The following BUB1 variants were observed in gnomAD, a reference collection of about 807,000 sequenced individuals.
The protein encoded by BUB1 is mitotic checkpoint serine/threonine-protein kinase BUB1.
In BUB1, 84 loss-of-function variants were observed where a neutral mutation model predicts 135.2. The ratio of observed to expected loss-of-function variants is 0.62; its 90% CI spans 0.52 to 0.74. The LOEUF is 0.74. Ranked by LOEUF, BUB1 falls within the 30% of genes least tolerant of loss-of-function variation. The pLI is 0.00. For synonymous variants in BUB1, 403 were observed against 434.4 expected, an observed-to-expected ratio of 0.93 and a Z score of 0.90; for missense variants, 1,162 against 1,288.3, an observed-to-expected ratio of 0.90 and a Z score of 1.50.
chr2:110,670,600 A>G, intron 4 of BUB1, 32 bp from the exon 5 acceptor site: 1 of 1,608,370 alleles, frequency 6.2e-7, no homozygotes, highest in Non-Finnish European at 8.5e-7. Context: ...ATCAATGTAG[A>G]TTATAAACTT....
intron 24 of BUB1, among the ~76,000 whole-genome samples, 169 bp downstream of exon 24, chr2:110,639,573 T>C (rs1247821607): frequency 3.3e-5 from 5 of 151,950 alleles, no homozygotes; most frequent in Admixed American, 6.6e-5. Context: ...GGTAAAGCTA[T>C]GCAGCTTGCT....
In BUB1 at chr2:110,650,761, T is replaced by C. The variant is rs1162043127; in HGVS notation, c.1988A>G (p.Lys663Arg). The C allele has an allele frequency of 6.2e-7, 1 of 1,613,948 alleles. No individual in the cohort carries two copies. Among genetic ancestry groups the C allele is most frequent in the East Asian group, 2.2e-5 (1 of 44,868 alleles). ...KFSPIQEKSP[K>R]QALSSHMYSA... is the part of the protein sequence containing the mutation. The stretch of plus-strand genomic sequence containing the variant: ...ATACATGTGAGACGACAAGGCCTGT[T>C]TTGGGCTTTTCTCTTGAATTGGACT... Residue 663 changes from lysine (K) to arginine (R), a missense_variant, in exon 18 of 25, where the codon AAA becomes AGA. By Grantham distance (26) the Lys-to-Arg change is conservative. Coordinates refer to ENST00000302759, the MANE Select transcript of BUB1 (RefSeq NM_004336.5).
chr2:110,639,613 T>C (rs779070917), intron 24 of BUB1, 129 bp downstream of exon 24: 46 of 730,520 alleles, frequency 6.3e-5, no homozygotes, highest in Middle Eastern at 5.5e-4. Context: ...GACTGTCCTG[T>C]CACCATATTG....
chr2:110,662,544 A>G (rs1690126885), intron 9 of BUB1, among the ~76,000 whole-genome samples: 1 of 152,224 alleles, frequency 6.6e-6, no homozygotes, highest in Admixed American at 6.5e-5. Flanking sequence ...GCCTGTAATC[A>G]ATCCCAGAAC....
At chr2:110,657,265 A>G (rs942734691) in intron 14 of BUB1, 148 bp from the exon 15 acceptor site, 2 of 639,706 alleles carry the variant, frequency 3.1e-6, no homozygotes, top group African/African-American at 3.7e-5. Flanking sequence ...AGTTCTAGCA[A>G]AACTGAGTGT....
In BUB1 at chr2:110,641,182, T is replaced by A. The variant is rs767678176; in HGVS notation, c.2807A>T (p.Asp936Val). 9 of 1,605,426 alleles carry A rather than the reference T, an allele frequency of 5.6e-6. No homozygotes were observed. Among genetic ancestry groups the A allele is most frequent in the Non-Finnish European group, 6.8e-6 (8 of 1,177,082 alleles). ...CAGTGCCAAGCCAGCAGATAAATCA[T>A]CTTCATCATCCTGTTCCAAAAATCT... ...GNGFLEQDDE[D>V]DLSAGLALID... The change falls in exon 23 of 25, where the codon GAT becomes GTT. Residue 936 changes from aspartate (D) to valine (V), a missense_variant. Physicochemically the swap from Asp to Val is radical, Grantham distance 152. Transcript: ENST00000302759.
intron 4 of BUB1, among the ~76,000 whole-genome samples, chr2:110,671,101 C>T (rs182395708): frequency 2.0e-5 from 3 of 152,248 alleles, no homozygotes; most frequent in Admixed American, 6.5e-5. Context: ...CATTTCTGAG[C>T]GATGCGAGCC....
intron 9 of BUB1, among the ~76,000 whole-genome samples, chr2:110,662,336 T>C (rs2104544380): frequency 1.3e-5 from 2 of 152,284 alleles, no homozygotes; most frequent in Middle Eastern, 6.8e-3. Flanking sequence ...ATTGCAATAA[T>C]AACTGCCACA....
rs1223827524 is a variant in BUB1, at chr2:110,657,125, A to G, written c.1617-8T>C. The G allele has an allele frequency of 1.2e-6, 2 of 1,604,780 alleles. No homozygotes were observed. The highest frequency in any genetic ancestry group is 1.7e-6 in the Non-Finnish European group (2 of 1,174,188). Reference sequence around the variant, plus strand: ...TTTTTAGGCTGTGGTAATCTAAGGAAAGATTTGCTAAATTATAAATAGTAA... The same window carrying G: ...TTTTTAGGCTGTGGTAATCTAAGGAGAGATTTGCTAAATTATAAATAGTAA... On this transcript the variant is annotated splice_region_variant and splice_polypyrimidine_tract_variant and intron_variant, in intron 14 of 24. Transcript: ENST00000302759.
In BUB1 at chr2:110,677,273, G is replaced by A. The variant is rs188921373; in HGVS notation, c.26+697C>T. On this transcript the variant is annotated intron_variant, in intron 1 of 24. Coordinates refer to ENST00000302759, the MANE Select transcript of BUB1 (RefSeq NM_004336.5). ...GAGCAAATGGATTTTTGTTTTGACT[G>A]CATTTAACAATCTCGGTCTTCTGAT... Among the ~76,000 whole-genome samples the A allele has an allele frequency of 2.2e-4, 34 of 152,294 alleles. 1 individual carries two copies. In the East Asian group the frequency reaches 6.4e-3, roughly 28 times the overall value.
Position 110,642,219 on chromosome 2 carries a change from T to C in BUB1, c.2363A>G (p.Tyr788Cys), listed in dbSNP as rs1331249671. 3 of 1,610,412 alleles carry C rather than the reference T, an allele frequency of 1.9e-6. No homozygotes were observed. The highest frequency in any genetic ancestry group is 1.3e-5 in the African/African-American group (1 of 74,790). The change falls in exon 20 of 25, where the codon TAT (tyrosine) becomes TGT (cysteine). Residue 788 changes from tyrosine (Y) to cysteine (C), a missense_variant. Coordinates refer to ENST00000302759, the MANE Select transcript of BUB1 (RefSeq NM_004336.5). ...TEFQLGSKLVYVHHLLGEGAF... is the reference protein window; with the variant it reads ...TEFQLGSKLVCVHHLLGEGAF... ...TCCTTCTCCAAGAAGGTGATGGACA[T>C]AGACCAGCTTAGAACCTTAGAAGAT...
chr2:110,658,857 A>G, intron 11 of BUB1, 115 bp from the exon 12 acceptor site: 1 of 1,331,480 alleles, frequency 7.5e-7, no homozygotes, highest in Admixed American at 2.1e-5. Context: ...AAAAATTATC[A>G]CTAAGAATTT....
Position 110,674,201 on chromosome 2 carries a change from T to C in BUB1, c.110A>G (p.Asn37Ser). 6.2e-7 allele frequency: 1 copy of C among 1,605,810 alleles called. No individual in the cohort carries two copies. The highest frequency in any genetic ancestry group is 8.5e-7 in the Non-Finnish European group (1 of 1,173,552). Residue 37 changes from asparagine (N) to serine (S), a missense_variant, in exon 3 of 25, where the codon AAT (asparagine) becomes AGT (serine). Asn to Ser is a conservative substitution (Grantham distance 46, BLOSUM62 1). Transcript: ENST00000302759. The stretch of plus-strand genomic sequence containing the variant: ...CAAGTATTCTTTATTCTCAGGAAAA[T>C]TCTCTTCTACCCACTGTATGTATCT... ...WERYIQWVEE[N>S]FPENKEYLIT...
At chr2:110,669,676 C>T (rs1322412101) in intron 5 of BUB1, 123 bp from the exon 6 acceptor site, 1 of 602,818 alleles carries the variant, frequency 1.7e-6, no homozygotes, top group South Asian at 2.3e-5. Context: ...AACTCATTCA[C>T]ACTGTCTCAG....
In BUB1 at chr2:110,667,562, C is replaced by CT; in HGVS notation, c.763dup (p.Arg255LysfsTer12). The CT allele has an allele frequency of 6.2e-7, 1 of 1,613,888 alleles. No homozygotes were observed. The highest frequency in any genetic ancestry group is 8.5e-7 in the Non-Finnish European group (1 of 1,179,960). ...TCTCCGTTGATTGTATTTCTGGGCT[C>CT]TCAATTCTTCAAAGGAAAATTCTGA... On this transcript the variant is annotated frameshift_variant, in exon 8 of 25. Coordinates refer to ENST00000302759, the MANE Select transcript of BUB1 (RefSeq NM_004336.5). LOFTEE classifies it high-confidence loss of function.
At chr2:110,640,992 A>T in intron 23 of BUB1, 42 bp downstream of exon 23, 1 of 1,514,034 alleles carries the variant, frequency 6.6e-7, no homozygotes, top group Non-Finnish European at 8.8e-7. Context: ...GATAAGCGCA[A>T]CACAGAAAAA....
At position 110,648,612 on chromosome 2, in the gene BUB1, T is replaced by G. The variant is rs1689704618; in HGVS notation, c.2347+622A>C. On this transcript the variant is annotated intron_variant, in intron 19 of 24. Transcript: ENST00000302759. The surrounding 1 kb of genome is among the most constrained non-coding windows in gnomAD (Gnocchi z 4.2). ...ACAAATGTACCACACTCATGCAAGATGTTAGTAACACGAAAATCTGTGTGT... is the reference window on the plus strand; with the variant it reads ...ACAAATGTACCACACTCATGCAAGAGGTTAGTAACACGAAAATCTGTGTGT... Among the ~76,000 whole-genome samples the G allele has an allele frequency of 6.6e-6, 1 of 152,212 alleles. No homozygotes were observed. The highest frequency in any genetic ancestry group is 2.1e-4 in the South Asian group (1 of 4,822).
intron 9 of BUB1, 74 bp from the exon 10 acceptor site, chr2:110,661,915 T>G: frequency 6.6e-7 from 1 of 1,526,432 alleles, no homozygotes; most frequent in Non-Finnish European, 8.9e-7. Context: ...GCATTACATC[T>G]TCTCAAAGCA....
chr2:110,672,020 G>A (rs1457362720), intron 4 of BUB1, among the ~76,000 whole-genome samples: 1 of 152,056 alleles, frequency 6.6e-6, no homozygotes, highest in East Asian at 1.9e-4. Flanking sequence ...TGAGGTCAGG[G>A]GTTCAAGACC....
Sources: allele counts gnomAD v4.1 joint callset (sites outside exome capture counted in the v4.1 genomes callset), GRCh38; gene constraint gnomAD v4.1.1; non-coding constraint Gnocchi (gnomAD v3.1); transcripts MANE v1.5; gene names NCBI Gene and HGNC (gene_info 2026-07-23, HGNC 2026-07-21).